Variants in REEP3 observed in about 807,000 individuals in gnomAD.
The protein encoded by REEP3 is receptor accessory protein 3, also known as receptor expression-enhancing protein 3.
In REEP3, 20 loss-of-function variants were observed where a neutral mutation model predicts 41.3. The ratio of observed to expected loss-of-function variants is 0.48; its 90% CI spans 0.34 to 0.70. The LOEUF (loss-of-function observed/expected upper bound fraction) is 0.70. REEP3 is among the 30% of genes least tolerant of loss of function. REEP3 has a pLI of 0.01. For synonymous variants in REEP3, 104 were observed against 101.8 expected (o/e 1.02, Z -0.13); for missense variants, 271 against 308.8 (o/e 0.88, Z 0.92).
intron 2 of REEP3, among the ~76,000 whole-genome samples, chr10:63,569,022 G>C (rs980958498): frequency 1.3e-5 from 2 of 152,014 alleles, no homozygotes; most frequent in African/African-American, 4.8e-5. Flanking sequence ...ATGTACTTTT[G>C]CCTATTGTTT....
intron 2 of REEP3, among the ~76,000 whole-genome samples, chr10:63,568,650 A>ATTTTTTT (rs10622553): frequency 9.2e-6 from 1 of 109,168 alleles, no homozygotes; most frequent in Non-Finnish European, 1.8e-5. Flanking sequence ...ACAACCCAGA[A>ATTTTTTT]TTTTTTTTTT....
At chr10:63,526,376 A>C (rs1955364610) in intron 1 of REEP3, among the ~76,000 whole-genome samples, 1 of 152,144 alleles carries the variant, frequency 6.6e-6, no homozygotes, top group Non-Finnish European at 1.5e-5. Context: ...ATAATGCTAT[A>C]ATGGACATTA....
chr10:63,540,906 G>C (rs747348614), intron 1 of REEP3, among the ~76,000 whole-genome samples: 17 of 151,960 alleles, frequency 1.1e-4, no homozygotes, highest in Non-Finnish European at 2.2e-4. Flanking sequence ...TATTTTAAGT[G>C]ACATATATTT....
chr10:63,558,245 T>A (rs573969979), intron 1 of REEP3, among the ~76,000 whole-genome samples: 82 of 152,132 alleles, frequency 5.4e-4, no homozygotes, highest in Non-Finnish European at 1.1e-3. Context: ...GACAGATAGG[T>A]TTACCTAGCT....
intron 2 of REEP3, among the ~76,000 whole-genome samples, chr10:63,576,932 C>G (rs1955903574): frequency 2.0e-5 from 3 of 152,160 alleles, no homozygotes. Context: ...ACCATAAAGG[C>G]CCTAACTCCA....
intron 1 of REEP3, among the ~76,000 whole-genome samples, chr10:63,533,710 C>CTTTTTT (rs71025187): frequency 0.042 from 4,215 of 101,030 alleles, 824 homozygotes; most frequent in East Asian, 0.35. Context: ...GTATGTAAAT[C>CTTTTTT]TTTTTTTTTT....
intron 1 of REEP3, among the ~76,000 whole-genome samples, chr10:63,534,111 A>C (rs1039175350): frequency 6.6e-6 from 1 of 152,142 alleles, no homozygotes; most frequent in African/African-American, 2.4e-5. Context: ...TCTAAAAAAA[A>C]CCTGATCTTT....
At chr10:63,617,916 C>T (rs554087150) in intron 6 of REEP3, among the ~76,000 whole-genome samples, 101 of 149,052 alleles carry the variant, frequency 6.8e-4, no homozygotes, top group African/African-American at 2.4e-3. Flanking sequence ...CCTCCACCTC[C>T]TGGGTTCAAG....
intron 1 of REEP3, among the ~76,000 whole-genome samples, chr10:63,561,790 G>A (rs545618360): frequency 6.6e-6 from 1 of 152,250 alleles, no homozygotes; most frequent in African/African-American, 2.4e-5. Context: ...CCAGGAGTAG[G>A]TTACAGATGG....
chr10:63,572,217 A>G (rs1045248370), intron 2 of REEP3, among the ~76,000 whole-genome samples: 5 of 152,154 alleles, frequency 3.3e-5, no homozygotes, highest in Admixed American at 3.3e-4. Flanking sequence ...TTTCCAATCT[A>G]ATTTCACTCT....
At chr10:63,548,999 A>G (rs1196305134) in intron 1 of REEP3, among the ~76,000 whole-genome samples, 2 of 151,256 alleles carry the variant, frequency 1.3e-5, no homozygotes, top group African/African-American at 2.4e-5. Flanking sequence ...TAAATGCACC[A>G]TTGAGTTTAT....
intron 1 of REEP3, among the ~76,000 whole-genome samples, chr10:63,552,292 T>C (rs1242385467): frequency 2.0e-5 from 3 of 152,172 alleles, no homozygotes; most frequent in Non-Finnish European, 4.4e-5. Context: ...ATACCTGTAG[T>C]TCCAGCTACT....
intron 1 of REEP3, among the ~76,000 whole-genome samples, chr10:63,534,178 G>A (rs1357269266): frequency 6.6e-6 from 1 of 152,088 alleles, no homozygotes; most frequent in Non-Finnish European, 1.5e-5. Context: ...TGTCCACAAA[G>A]ATTATGCTTA....
chr10:63,547,796 C>T (rs1955592517), intron 1 of REEP3, among the ~76,000 whole-genome samples: 2 of 152,224 alleles, frequency 1.3e-5, no homozygotes, highest in South Asian at 2.1e-4. Context: ...CACACTCATG[C>T]ATAACCTCTT....
intron 2 of REEP3, among the ~76,000 whole-genome samples, chr10:63,581,397 A>G (rs1015390996): frequency 2.0e-5 from 3 of 152,210 alleles, no homozygotes; most frequent in South Asian, 2.1e-4. Flanking sequence ...TTGAAAAACT[A>G]TAAAAAAATT....
At chr10:63,585,065 G>A (rs1955992110) in intron 2 of REEP3, among the ~76,000 whole-genome samples, 1 of 152,152 alleles carries the variant, frequency 6.6e-6, no homozygotes, top group African/African-American at 2.4e-5. Context: ...TTTAAACTCT[G>A]TTAACTTTGA....
chr10:63,580,913 A>G (rs1955948353), intron 2 of REEP3, among the ~76,000 whole-genome samples: 1 of 152,152 alleles, frequency 6.6e-6, no homozygotes, highest in African/African-American at 2.4e-5. Flanking sequence ...TTGGGAGACT[A>G]AAACAAGAGA....
At chr10:63,531,538 CAT>C (rs1955421313) in intron 1 of REEP3, among the ~76,000 whole-genome samples, 1 of 152,150 alleles carries the variant, frequency 6.6e-6, no homozygotes, top group South Asian at 2.1e-4. Flanking sequence ...TGTGCTATCT[CAT>C]ATGGTTATGT....
intron 1 of REEP3, among the ~76,000 whole-genome samples, chr10:63,553,313 T>C (rs1955647012): frequency 1.3e-5 from 2 of 152,118 alleles, no homozygotes; most frequent in African/African-American, 2.4e-5. Flanking sequence ...AATATGAAAA[T>C]AGAATGTTTT....
Sources: allele counts gnomAD v4.1 joint callset (sites outside exome capture counted in the v4.1 genomes callset), GRCh38; gene constraint gnomAD v4.1.1; transcripts MANE v1.5; gene names NCBI Gene and HGNC (gene_info 2026-07-23, HGNC 2026-07-21).